The following MYL4 variants were observed in gnomAD, a reference collection of about 807,000 sequenced individuals.
MYL4 encodes the protein atrial myosin light chain 1.
In MYL4, 16 loss-of-function variants were observed where a neutral mutation model predicts 21.6. That is an observed-to-expected ratio of 0.74 (90% CI 0.50 to 1.12). MYL4 has a LOEUF of 1.12. Among genes scored for constraint, MYL4 ranks in the 50% most tolerant of loss-of-function variants. MYL4 has a pLI of 0.00. For synonymous variants in MYL4, 82 were observed against 95.7 expected, an observed-to-expected ratio of 0.86 and a Z score of 0.83; for missense variants, 249 against 252.9, an observed-to-expected ratio of 0.98 and a Z score of 0.11.
chr17:47,198,435 C>T (rs979262985), upstream of MYL4, among the ~76,000 whole-genome samples: 5 of 151,944 alleles, frequency 3.3e-5, no homozygotes, highest in African/African-American at 1.2e-4. Flanking sequence ...GGAGTGGATG[C>T]CCACCAAATA....
upstream of MYL4, among the ~76,000 whole-genome samples, chr17:47,199,407 C>A (rs77141607): frequency 0.014 from 2,088 of 152,018 alleles, 22 homozygotes; most frequent in Non-Finnish European, 0.022. Flanking sequence ...TAGTTGCGCA[C>A]CTTCTTTCAG....
upstream of MYL4, among the ~76,000 whole-genome samples, chr17:47,199,000 C>T (rs1292012538): frequency 3.3e-5 from 5 of 151,100 alleles, no homozygotes; most frequent in South Asian, 2.1e-4. Context: ...TTTGGGAGGC[C>T]GAGGCAGGCG....
chr17:47,223,275 G>T (rs2064870235), intron 6 of MYL4: 1 of 550,130 alleles, frequency 1.8e-6, no homozygotes, highest in Non-Finnish European at 3.2e-6. Context: ...ACATCCTCTT[G>T]CCTCTCCCAG....
chr17:47,193,552 G>A, the MYL4 span, among the ~76,000 whole-genome samples: 3 of 152,042 alleles, frequency 2.0e-5, no homozygotes, highest in Non-Finnish European at 4.4e-5. Context: ...ACAGGCATGA[G>A]CCACTGCGCC....
At chr17:47,216,512 A>G (rs187070335) in intron 2 of MYL4, among the ~76,000 whole-genome samples, 3 of 152,176 alleles carry the variant, frequency 2.0e-5, no homozygotes, top group Admixed American at 6.5e-5. Flanking sequence ...TGGCTTTTAC[A>G]TGAGGATAAT....
chr17:47,220,145 C>CT, intron 3 of MYL4, 92 bp downstream of exon 3: 1 of 1,418,880 alleles, frequency 7.0e-7, no homozygotes, highest in Non-Finnish European at 9.3e-7. Flanking sequence ...CATCTGCACT[C>CT]TCTCTTCTCC....
chr17:47,220,830 G>A (rs1213068001), intron 3 of MYL4, among the ~76,000 whole-genome samples: 2 of 152,202 alleles, frequency 1.3e-5, no homozygotes, highest in Non-Finnish European at 2.9e-5. Flanking sequence ...CCTCAGTGGT[G>A]TTGGCACGGG....
At chr17:47,225,646 A>G (rs1177153311), downstream of MYL4, among the ~76,000 whole-genome samples, 1 of 152,192 alleles carries the variant, frequency 6.6e-6, no homozygotes, top group Non-Finnish European at 1.5e-5. Context: ...CCTGAATTCT[A>G]CATTGTTTCA....
chr17:47,218,802 C>T (rs2064833453), intron 2 of MYL4, among the ~76,000 whole-genome samples: 1 of 152,074 alleles, frequency 6.6e-6, no homozygotes, highest in Non-Finnish European at 1.5e-5. Context: ...AAAACAAAAA[C>T]AAAACCAAAA....
intron 1 of MYL4, among the ~76,000 whole-genome samples, chr17:47,203,210 C>CA (rs1220563079): frequency 2.0e-5 from 3 of 152,200 alleles, no homozygotes; most frequent in Admixed American, 6.5e-5. Context: ...CTCAGCCTCC[C>CA]AAAGTGCTGG....
intron 1 of MYL4, among the ~76,000 whole-genome samples, chr17:47,210,721 C>T (rs953682273): frequency 2.0e-5 from 2 of 97,836 alleles, no homozygotes; most frequent in Non-Finnish European, 4.3e-5. Context: ...ACCCAGTCCC[C>T]GCAAGGGACA....
the MYL4 span, among the ~76,000 whole-genome samples, chr17:47,189,821 A>G: frequency 6.6e-6 from 1 of 152,220 alleles, no homozygotes; most frequent in Non-Finnish European, 1.5e-5. Context: ...CCACTCCCCA[A>G]AGACATAGGA....
chr17:47,224,283 A>G (rs1357709001), downstream of MYL4, among the ~76,000 whole-genome samples: 4 of 152,278 alleles, frequency 2.6e-5, no homozygotes, highest in East Asian at 5.8e-4. Flanking sequence ...CACATCTTAC[A>G]TGGATGGCGG....
upstream of MYL4, chr17:47,209,155 G>A: frequency 1.7e-6 from 1 of 586,620 alleles, no homozygotes; most frequent in Non-Finnish European, 3.0e-6. Context: ...CTGTCCTAGA[G>A]GTGAAGAGAG....
intron 1 of MYL4, among the ~76,000 whole-genome samples, chr17:47,203,690 T>C (rs1297286285): frequency 6.6e-6 from 1 of 152,224 alleles, no homozygotes; most frequent in Non-Finnish European, 1.5e-5. Context: ...TCAAGTAAGT[T>C]GTATCCTTTC....
At chr17:47,223,173 T>TAA in intron 6 of MYL4, 116 bp downstream of exon 6, 5 of 1,088,534 alleles carry the variant, frequency 4.6e-6, no homozygotes, top group Non-Finnish European at 6.7e-6. Context: ...GGAAACCTCT[T>TAA]GGGATCAGGA....
downstream of MYL4, among the ~76,000 whole-genome samples, chr17:47,224,740 A>G (rs1031350567): frequency 6.6e-6 from 1 of 152,032 alleles, no homozygotes; most frequent in African/African-American, 2.4e-5. Context: ...TCGCTTTTTT[A>G]GGTGCCTCTT....
At chr17:47,220,082 C>G in intron 3 of MYL4, 29 bp downstream of exon 3, 1 of 1,584,474 alleles carries the variant, frequency 6.3e-7, no homozygotes, top group Non-Finnish European at 8.6e-7. Context: ...CAGACCTCTC[C>G]CAGGGTCAGG....
At position 47,209,460 on chromosome 17, in the gene MYL4, C is replaced by T. The variant is rs767067527; in HGVS notation, c.38C>T (p.Ala13Val). The T allele has an allele frequency of 4.5e-5, 73 of 1,614,070 alleles. No homozygotes were observed. The highest frequency in any genetic ancestry group is 6.0e-5 in the Non-Finnish European group (71 of 1,180,030). Residue 13 changes from alanine (A) to valine (V), a missense_variant, in exon 1 of 7, where the codon GCC (alanine) becomes GTC (valine). Ala to Val is a moderately conservative substitution (Grantham distance 64). Transcript: ENST00000393450. Reference protein sequence around the residue: ...PKKPEPKKEAAKPAPAPAPAP... With the variant: ...PKKPEPKKEAVKPAPAPAPAP... Reference sequence around the variant, plus strand: ...AAGCCTGAGCCTAAGAAGGAGGCAGCCAAGCCAGCTCCAGCTCCAGCTCCA... The same window carrying T: ...AAGCCTGAGCCTAAGAAGGAGGCAGTCAAGCCAGCTCCAGCTCCAGCTCCA...
Sources: allele counts gnomAD v4.1 joint callset (sites outside exome capture counted in the v4.1 genomes callset), GRCh38; gene constraint gnomAD v4.1.1; transcripts MANE v1.5; gene names NCBI Gene and HGNC (gene_info 2026-07-23, HGNC 2026-07-21).